The following TLK2 variants were observed in gnomAD, a reference collection of about 807,000 sequenced individuals.
TLK2 encodes tousled like kinase 2.
In TLK2, 6 loss-of-function variants were observed where a neutral mutation model predicts 117.3. That is an observed-to-expected ratio of 0.05 (90% CI 0.03 to 0.10). The LOEUF is 0.10. Ranked by LOEUF, TLK2 falls within the 10% of genes least tolerant of loss-of-function variation. TLK2 has a pLI of 1.00. For missense variants in TLK2, 299 were observed against 901.2 expected (o/e 0.33, Z 8.56); for synonymous variants, 257 against 316.7 (o/e 0.81, Z 2.00).
intron 7 of TLK2, among the ~76,000 whole-genome samples, chr17:62,541,199 C>T (rs1426131033): frequency 5.9e-5 from 9 of 152,104 alleles, no homozygotes; most frequent in Non-Finnish European, 1.3e-4. Flanking sequence ...AGCTCCTAGG[C>T]CCTGCGTTGT....
At position 62,612,412 on chromosome 17, in the gene TLK2, G is replaced by A; in HGVS notation, c.2100G>A (p.Leu700=). 6.2e-7 allele frequency: 1 copy of A among 1,613,756 alleles called. No homozygotes were observed. The highest frequency in any genetic ancestry group is 8.5e-7 in the Non-Finnish European group (1 of 1,179,858). ...TGCAGGCGTTTATTCGACGATGCTT[G>A]GCCTACCGAAAGGAGGACCGCATTG... ...PEAKAFIRRC[L]AYRKEDRIDV... The change falls in exon 22 of 22, where the codon TTG becomes TTA. Residue 700 remains leucine (L), a synonymous_variant. Coordinates refer to ENST00000346027, the MANE Select transcript of TLK2 (RefSeq NM_006852.6).
chr17:62,500,199 A>G (rs910748942), intron 2 of TLK2, among the ~76,000 whole-genome samples: 5 of 151,882 alleles, frequency 3.3e-5, no homozygotes, highest in Non-Finnish European at 5.9e-5. Flanking sequence ...CCTGCCAAGT[A>G]GGGAAGACTA....
intron 10 of TLK2, among the ~76,000 whole-genome samples, chr17:62,561,201 G>A (rs2079248295): frequency 6.6e-6 from 1 of 152,132 alleles, no homozygotes. Flanking sequence ...GTATATATGT[G>A]CCACATTTTC....
At chr17:62,584,012 A>AT in intron 15 of TLK2, among the ~76,000 whole-genome samples, 1 of 152,056 alleles carries the variant, frequency 6.6e-6, no homozygotes, top group Non-Finnish European at 1.5e-5. Context: ...TGGATTTAGA[A>AT]TAGAAGTACA....
chr17:62,556,218 A>G (rs2078854846), intron 9 of TLK2, among the ~76,000 whole-genome samples: 1 of 152,132 alleles, frequency 6.6e-6, no homozygotes, highest in Non-Finnish European at 1.5e-5. Context: ...CTCGGCCTAT[A>G]TTATTATTGT....
At chr17:62,500,274 G>T (rs1255928922) in intron 2 of TLK2, among the ~76,000 whole-genome samples, 1 of 151,850 alleles carries the variant, frequency 6.6e-6, no homozygotes, top group Non-Finnish European at 1.5e-5. Flanking sequence ...AAAAGATACT[G>T]TATAAACAGT....
intron 19 of TLK2, among the ~76,000 whole-genome samples, chr17:62,604,942 C>T (rs539061137): frequency 1.4e-3 from 206 of 152,212 alleles, no homozygotes; most frequent in African/African-American, 4.8e-3. Flanking sequence ...TTTCCTGCCA[C>T]TGCCATAAAA....
chr17:62,497,125 G>A (rs1480824298), intron 2 of TLK2, among the ~76,000 whole-genome samples: 1 of 152,050 alleles, frequency 6.6e-6, no homozygotes, highest in Non-Finnish European at 1.5e-5. Context: ...AGGCATGGTG[G>A]CGTGTGCCTA....
upstream of TLK2, among the ~76,000 whole-genome samples, chr17:62,475,312 C>A (rs1437768353): frequency 2.0e-5 from 3 of 151,928 alleles, no homozygotes; most frequent in Non-Finnish European, 4.4e-5. Context: ...AGATGCCCCA[C>A]CTGTTCTACA....
intron 7 of TLK2, among the ~76,000 whole-genome samples, chr17:62,548,775 C>T (rs759184961): frequency 1.3e-5 from 2 of 151,556 alleles, no homozygotes; most frequent in African/African-American, 2.4e-5. Flanking sequence ...CTTGATGTGT[C>T]GCCCAGGCTG....
chr17:62,472,579 A>G (rs1567745314), intron 1 of TLK2, among the ~76,000 whole-genome samples: 1 of 152,116 alleles, frequency 6.6e-6, no homozygotes, highest in Admixed American at 6.5e-5. Flanking sequence ...TCTACTAAAA[A>G]TAAAAAAAAT....
At chr17:62,603,064 G>A (rs530898367) in intron 19 of TLK2, among the ~76,000 whole-genome samples, 17 of 152,256 alleles carry the variant, frequency 1.1e-4, no homozygotes, top group Non-Finnish European at 2.2e-4. Flanking sequence ...TAGCACCAAC[G>A]GAGGGGCAAC....
intron 15 of TLK2, among the ~76,000 whole-genome samples, chr17:62,584,796 A>C (rs1420681925): frequency 3.9e-5 from 6 of 152,246 alleles, no homozygotes; most frequent in African/African-American, 1.4e-4. Context: ...CTCTCTCTAC[A>C]TGCAGTGCTT....
chr17:62,525,223 T>G, intron 6 of TLK2, among the ~76,000 whole-genome samples: 1 of 152,158 alleles, frequency 6.6e-6, no homozygotes. Context: ...GGAAAGTTGT[T>G]TTTCTTTGCC....
intron 11 of TLK2, among the ~76,000 whole-genome samples, chr17:62,572,462 A>T (rs2080387211): frequency 6.6e-6 from 1 of 152,074 alleles, no homozygotes; most frequent in African/African-American, 2.4e-5. Flanking sequence ...CTAATTTGTA[A>T]ACTAGTTAAT....
intron 2 of TLK2, among the ~76,000 whole-genome samples, chr17:62,496,684 G>A (rs539929480): frequency 3.3e-5 from 5 of 152,014 alleles, no homozygotes; most frequent in Non-Finnish European, 5.9e-5. Context: ...GGCTGGGCAC[G>A]GTGTCTCACG....
intron 7 of TLK2, among the ~76,000 whole-genome samples, chr17:62,538,648 A>T (rs748188105): frequency 2.6e-5 from 4 of 152,222 alleles, no homozygotes; most frequent in Non-Finnish European, 5.9e-5. Flanking sequence ...CCGTTATCAG[A>T]GGAGTAGCAG....
intron 12 of TLK2, chr17:62,574,518 T>G: frequency 1.6e-6 from 1 of 637,052 alleles, no homozygotes; most frequent in South Asian, 1.7e-5. Flanking sequence ...AATTTTGTTG[T>G]TGTTGTTTTT....
chr17:62,558,481 C>T (rs1967366), intron 9 of TLK2, among the ~76,000 whole-genome samples: 96,342 of 152,082 alleles, frequency 0.63, 30,695 homozygotes, highest in East Asian at 0.81. Flanking sequence ...TTACTTTAAA[C>T]ATGAACTCCT....
Sources: gnomAD v4.1 joint callset for allele counts (sites outside exome capture counted in the v4.1 genomes callset) on GRCh38, gnomAD v4.1.1 for gene constraint, MANE v1.5 for transcripts, NCBI Gene and HGNC (gene_info 2026-07-23, HGNC 2026-07-21) for gene names.